The following EPB41 variants were observed in gnomAD, a reference collection of about 807,000 sequenced individuals.
The protein encoded by EPB41 is protein 4.1.
In EPB41, 65 loss-of-function variants were observed where a neutral mutation model predicts 108.0. That is an observed-to-expected ratio of 0.60 (90% CI 0.49 to 0.74). The LOEUF (loss-of-function observed/expected upper bound fraction) is 0.74, where lower values mean the gene tolerates loss of function less well. EPB41 is among the 30% of genes least tolerant of loss of function. The pLI is 0.00. For missense variants in EPB41, 875 were observed against 1,037.0 expected (o/e 0.84, Z 2.15); for synonymous variants, 336 against 358.9 (o/e 0.94, Z 0.72).
chr1:28,967,307 C>G lies in EPB41; in HGVS notation c.-7-20124C>G, dbSNP rs562348001. ...TGCTGGGATTACAGGCGTGAGCCAC[C>G]ACGCTCGGCCCTTTTATGATTTCAG... is the stretch of plus-strand genomic sequence containing the variant. On this transcript the variant is annotated intron_variant, in intron 1 of 20. Coordinates refer to ENST00000343067, the MANE Select transcript of EPB41 (RefSeq NM_001376013.1). Among the ~76,000 whole-genome samples the G allele has an allele frequency of 2.0e-5, 3 of 152,252 alleles. No individual in the cohort carries two copies. The East Asian group carries it at 5.8e-4, about 29-fold the overall frequency.
intron 2 of EPB41, 147 bp downstream of exon 2, chr1:28,988,052 C>A: frequency 1.2e-6 from 1 of 821,498 alleles, no homozygotes; most frequent in South Asian, 1.6e-5. Context: ...CAACTGAGGT[C>A]AGGAGTTCGA....
chr1:29,016,558 C>G (rs954416356), intron 6 of EPB41, among the ~76,000 whole-genome samples: 3 of 152,000 alleles, frequency 2.0e-5, no homozygotes, highest in Admixed American at 6.6e-5. Context: ...TCCTATCTCC[C>G]TTTTAAAATG....
chr1:29,046,528 C>G (rs1432110463), intron 11 of EPB41, among the ~76,000 whole-genome samples: 1 of 152,110 alleles, frequency 6.6e-6, no homozygotes, highest in South Asian at 2.1e-4. Context: ...TGTTGTATGT[C>G]TTCCTTTCCA....
intron 1 of EPB41, among the ~76,000 whole-genome samples, chr1:28,966,076 G>T (rs1296628716): frequency 6.6e-6 from 1 of 151,916 alleles, no homozygotes; most frequent in African/African-American, 2.4e-5. Flanking sequence ...CCAGCTACTT[G>T]GGAGGCTGAG....
chr1:29,005,481 C>T (rs1214888960), intron 4 of EPB41, among the ~76,000 whole-genome samples: 1 of 152,206 alleles, frequency 6.6e-6, no homozygotes, highest in Non-Finnish European at 1.5e-5. Context: ...CTTTATTAAT[C>T]TATCCTGGTT....
chr1:28,977,509 G>A (rs949203674), intron 1 of EPB41, among the ~76,000 whole-genome samples: 3 of 151,802 alleles, frequency 2.0e-5, no homozygotes, highest in South Asian at 2.1e-4. Context: ...TTGAGGATTA[G>A]GATTGAGATG....
At chr1:29,090,410 T>A (rs1011100979) in intron 16 of EPB41, among the ~76,000 whole-genome samples, 4 of 152,146 alleles carry the variant, frequency 2.6e-5, no homozygotes, top group African/African-American at 9.7e-5. Context: ...AATTCTGGCA[T>A]GGATGATTGG....
At chr1:29,065,276 A>G (rs947098608) in intron 16 of EPB41, 118 bp downstream of exon 16, 10 of 1,414,240 alleles carry the variant, frequency 7.1e-6, no homozygotes, top group African/African-American at 2.9e-5. Flanking sequence ...GTGCCTCACT[A>G]TATTCATTGC....
intron 19 of EPB41, among the ~76,000 whole-genome samples, chr1:29,113,479 G>T (rs1013841951): frequency 2.4e-4 from 37 of 152,240 alleles, no homozygotes; most frequent in Non-Finnish European, 4.4e-5. Flanking sequence ...GCAGCCTGTT[G>T]GCCCAGCTCA....
Position 28,997,305 on chromosome 1 carries a change from A to G in EPB41, c.772A>G (p.Asn258Asp). 1 of 1,609,108 alleles carries G rather than the reference A, an allele frequency of 6.2e-7. No homozygotes were observed. Among genetic ancestry groups the G allele is most frequent in the Non-Finnish European group, 8.5e-7 (1 of 1,175,436 alleles). ...EDYFGLAIWD[N>D]ATSKTWLDSA... Reference sequence around the variant, plus strand: ...CTATTTTGGTCTAGCCATTTGGGATAACGCAACCTCTAAGGTGAGGAGACT... The same window carrying G: ...CTATTTTGGTCTAGCCATTTGGGATGACGCAACCTCTAAGGTGAGGAGACT... The change falls in exon 4 of 21, where the codon AAC (asparagine) becomes GAC (aspartate). Residue 258 changes from asparagine (N) to aspartate (D), a missense_variant. Asn to Asp is a conservative substitution (Grantham distance 23). Transcript: ENST00000343067.
Position 29,065,147 on chromosome 1 carries a change from A to G in EPB41, c.2173A>G (p.Thr725Ala). The G allele has an allele frequency of 6.2e-7, 1 of 1,603,510 alleles. No individual in the cohort carries two copies. The highest frequency in any genetic ancestry group is 8.5e-7 in the Non-Finnish European group (1 of 1,173,132). The change falls in exon 16 of 21, where the codon ACA (threonine) becomes GCA (alanine). Residue 725 changes from threonine (T) to alanine (A), a missense_variant. Coordinates refer to ENST00000343067, the MANE Select transcript of EPB41 (RefSeq NM_001376013.1). ...RTLNINGQIPTGEGPPLVKTQ... is the reference protein window; with the variant it reads ...RTLNINGQIPAGEGPPLVKTQ... ...TCTTAACATCAATGGGCAAATCCCCACAGGAGAAGGAGTGAGTACTTTGTC... is the reference window on the plus strand; with the variant it reads ...TCTTAACATCAATGGGCAAATCCCCGCAGGAGAAGGAGTGAGTACTTTGTC...
intron 11 of EPB41, among the ~76,000 whole-genome samples, chr1:29,045,798 C>A (rs1045108994): frequency 7.7e-6 from 1 of 130,288 alleles, no homozygotes; most frequent in African/African-American, 3.3e-5. Flanking sequence ...CATGGCAAGA[C>A]CCTGTCTCTA....
chr1:29,011,050 G>T (rs754896436), intron 4 of EPB41, among the ~76,000 whole-genome samples: 1 of 151,412 alleles, frequency 6.6e-6, no homozygotes, highest in Non-Finnish European at 1.5e-5. Flanking sequence ...CCCGGGAGGC[G>T]GAGGTTGCAG....
chr1:29,083,331 C>G (rs1011535532), intron 16 of EPB41, among the ~76,000 whole-genome samples: 1 of 152,174 alleles, frequency 6.6e-6, no homozygotes, highest in Non-Finnish European at 1.5e-5. Flanking sequence ...TAGTTTATCC[C>G]CATCTTGAGT....
intron 1 of EPB41, among the ~76,000 whole-genome samples, chr1:28,892,797 CTTTTTTTTTTTTT>C (rs995428093): frequency 1.1e-5 from 1 of 87,232 alleles, no homozygotes; most frequent in African/African-American, 4.7e-5. Context: ...TTCCCAGGTT[CTTTTTTTTTTTTT>C]TTTTTTTTTT....
chr1:28,915,206 A>T (rs909161003), intron 1 of EPB41, among the ~76,000 whole-genome samples: 3 of 152,140 alleles, frequency 2.0e-5, no homozygotes, highest in African/African-American at 2.4e-5. Context: ...TGTCTGCAGA[A>T]GTCAGGCGGA....
At chr1:28,902,696 A>G (rs2091428665) in intron 1 of EPB41, among the ~76,000 whole-genome samples, 1 of 152,160 alleles carries the variant, frequency 6.6e-6, no homozygotes, top group African/African-American at 2.4e-5. Flanking sequence ...AGCTAGGTGT[A>G]GGGTTTCCAA....
intron 16 of EPB41, among the ~76,000 whole-genome samples, chr1:29,087,766 A>C (rs1659692378): frequency 6.6e-6 from 1 of 152,204 alleles, no homozygotes; most frequent in African/African-American, 2.4e-5. Context: ...CTGAGACATA[A>C]TCCCTTTGCA....
chr1:29,051,830 G>A (rs1444949064), intron 11 of EPB41, among the ~76,000 whole-genome samples: 7 of 151,620 alleles, frequency 4.6e-5, no homozygotes, highest in South Asian at 2.1e-4. Flanking sequence ...CCTGAGAGGC[G>A]GAGATTCTAG....
Sources: allele counts gnomAD v4.1 joint callset (sites outside exome capture counted in the v4.1 genomes callset), GRCh38; gene constraint gnomAD v4.1.1; transcripts MANE v1.5; gene names NCBI Gene and HGNC (gene_info 2026-07-23, HGNC 2026-07-21).